Variants in KALRN observed in about 807,000 individuals in gnomAD.
KALRN encodes kalirin.
In KALRN, 70 loss-of-function variants were observed where a neutral mutation model predicts 353.7. The observed-to-expected ratio is 0.20, with a 90% CI of 0.16 to 0.24. The LOEUF (loss-of-function observed/expected upper bound fraction) is 0.24, where lower values mean the gene tolerates loss of function less well. KALRN is among the 10% of genes least tolerant of loss of function. The pLI, the probability that KALRN is intolerant of heterozygous loss-of-function variation, is 1.00. For synonymous variants in KALRN, 1,391 were observed against 1,434.8 expected (o/e 0.97, Z 0.69); for missense variants, 2,791 against 3,756.7 (o/e 0.74, Z 6.72).
At chr3:124,038,987 C>A (rs58273473) in intron 1 of KALRN, among the ~76,000 whole-genome samples, 1,524 of 152,344 alleles carry the variant, frequency 0.01, 43 homozygotes, top group East Asian at 0.1. Flanking sequence ...CCTTTCCTGG[C>A]CCTCATTCTC....
Position 124,334,539 on chromosome 3 carries a change from G to T in KALRN, c.1647+44G>T. The T allele has an allele frequency of 7.1e-7, 1 of 1,410,200 alleles. No homozygotes were observed. Among genetic ancestry groups the T allele is most frequent in the Non-Finnish European group, 9.9e-7 (1 of 1,013,954 alleles). The allele number at this position is 1,410,200 out of a possible 1,614,324, so 87.4% of individuals were successfully genotyped here. A position where few individuals can be genotyped will look rare whatever the true frequency, so the allele number is the denominator to read the frequency against. ...CGGTGTCCATTATCCATTCTAGGAG[G>T]CAGACCGAGCTCAAGTCCCTGACCT... is the stretch of plus-strand genomic sequence containing the variant. On this transcript the variant is annotated intron_variant, in intron 9 of 59. Coordinates refer to ENST00000682506, the MANE Select transcript of KALRN (RefSeq NM_001388419.1). This position sits in a 1 kb window ranked among gnomAD's most constrained non-coding sequence, Gnocchi z 4.2.
At chr3:124,615,959 A>G (rs1387142052) in intron 34 of KALRN, among the ~76,000 whole-genome samples, 1 of 152,188 alleles carries the variant, frequency 6.6e-6, no homozygotes, top group Non-Finnish European at 1.5e-5. Flanking sequence ...TGGTTGGGAG[A>G]AGGAGGATCA....
intron 6 of KALRN, among the ~76,000 whole-genome samples, chr3:124,300,977 T>C (rs1415855438): frequency 6.6e-6 from 1 of 152,224 alleles, no homozygotes; most frequent in Non-Finnish European, 1.5e-5. Flanking sequence ...TCTAGTCAAG[T>C]CTGATTATTT....
chr3:124,398,923 G>A (rs778449489), intron 13 of KALRN, 52 bp downstream of exon 13: 1 of 1,542,492 alleles, frequency 6.5e-7, no homozygotes, highest in Non-Finnish European at 8.7e-7. Context: ...GTGCTTCCTG[G>A]CCAAGGGCAC....
At chr3:124,320,454 C>T (rs534945590) in intron 6 of KALRN, among the ~76,000 whole-genome samples, 7 of 152,192 alleles carry the variant, frequency 4.6e-5, no homozygotes, top group Non-Finnish European at 7.3e-5. Flanking sequence ...CTGCCTCTCT[C>T]GAGCTGAAGA....
chr3:124,597,244 A>G (rs1327215955), intron 34 of KALRN, among the ~76,000 whole-genome samples: 1 of 152,234 alleles, frequency 6.6e-6, no homozygotes, highest in East Asian at 1.9e-4. Context: ...GGCTAGTGAC[A>G]TAGAAATCTT....
At chr3:124,190,631 T>C (rs1308926749) in intron 1 of KALRN, among the ~76,000 whole-genome samples, 1 of 152,222 alleles carries the variant, frequency 6.6e-6, no homozygotes, top group African/African-American at 2.4e-5. Flanking sequence ...GAGATGGCTC[T>C]AACAGTTGGA....
intron 1 of KALRN, among the ~76,000 whole-genome samples, chr3:124,179,983 A>G (rs2073350880): frequency 6.6e-6 from 1 of 152,248 alleles, no homozygotes; most frequent in Non-Finnish European, 1.5e-5. Flanking sequence ...TAAAGGAATG[A>G]ATGCCCGAGA....
chr3:124,670,616 A>G (rs1394044047), intron 47 of KALRN, among the ~76,000 whole-genome samples: 1 of 152,188 alleles, frequency 6.6e-6, no homozygotes, highest in Non-Finnish European at 1.5e-5. Flanking sequence ...ATCACAGTAG[A>G]AATATCCTTG....
intron 6 of KALRN, among the ~76,000 whole-genome samples, chr3:124,300,067 G>A (rs2077147355): frequency 1.3e-5 from 2 of 152,146 alleles, no homozygotes; most frequent in Admixed American, 1.3e-4. Context: ...CAGAAACAAG[G>A]TGAATCACAG....
At chr3:124,634,765 G>T (rs1446803036) in intron 36 of KALRN, among the ~76,000 whole-genome samples, 1 of 152,034 alleles carries the variant, frequency 6.6e-6, no homozygotes, top group Non-Finnish European at 1.5e-5. Flanking sequence ...CGGCAGGTTT[G>T]GGTTTTGACT....
chr3:124,315,724 G>T (rs1372658127), intron 6 of KALRN, among the ~76,000 whole-genome samples: 1 of 151,916 alleles, frequency 6.6e-6, no homozygotes, highest in Non-Finnish European at 1.5e-5. Flanking sequence ...GTCTGCATTT[G>T]CTAAGCAGTT....
intron 45 of KALRN, among the ~76,000 whole-genome samples, chr3:124,663,181 A>G (rs1358854704): frequency 6.6e-6 from 1 of 152,196 alleles, no homozygotes; most frequent in African/African-American, 2.4e-5. Flanking sequence ...TCCCGACCTC[A>G]GGTGATCCGC....
At chr3:124,093,380 A>ATGGC (rs1305404178) in intron 1 of KALRN, among the ~76,000 whole-genome samples, 1 of 152,196 alleles carries the variant, frequency 6.6e-6, no homozygotes, top group Non-Finnish European at 1.5e-5. Flanking sequence ...GAATGTGCAG[A>ATGGC]TGGCTGTTGG....
At chr3:124,077,935 G>A (rs569563425) in intron 1 of KALRN, among the ~76,000 whole-genome samples, 3 of 152,280 alleles carry the variant, frequency 2.0e-5, no homozygotes, top group Non-Finnish European at 2.9e-5. Flanking sequence ...CTGTGGACCC[G>A]TTTGCTTCTT....
intron 1 of KALRN, among the ~76,000 whole-genome samples, chr3:124,176,019 C>T (rs2072685474): frequency 6.6e-6 from 1 of 152,054 alleles, no homozygotes; most frequent in Admixed American, 6.6e-5. Context: ...GTTTTAGACC[C>T]AGTAGCCCCC....
chr3:124,390,809 TC>T (rs2089251001), intron 11 of KALRN, among the ~76,000 whole-genome samples: 1 of 152,132 alleles, frequency 6.6e-6, no homozygotes, highest in African/African-American at 2.4e-5. Flanking sequence ...TAACCACTCA[TC>T]CGTAAGCCTT....
At chr3:124,711,873 G>A (rs987011536) in intron 57 of KALRN, among the ~76,000 whole-genome samples, 6 of 152,152 alleles carry the variant, frequency 3.9e-5, no homozygotes, top group African/African-American at 1.4e-4. Flanking sequence ...GGCTGCATAG[G>A]AGATCTATTT....
intron 33 of KALRN, among the ~76,000 whole-genome samples, chr3:124,552,220 C>T (rs565168063): frequency 7.2e-5 from 11 of 152,268 alleles, no homozygotes; most frequent in African/African-American, 2.6e-4. Flanking sequence ...ATTTAGAATG[C>T]GCTGTTTCTT....
Sources: gnomAD v4.1 joint callset for allele counts (sites outside exome capture counted in the v4.1 genomes callset) on GRCh38, gnomAD v4.1.1 for gene constraint, Gnocchi (gnomAD v3.1) non-coding constraint, MANE v1.5 for transcripts, NCBI Gene and HGNC (gene_info 2026-07-23, HGNC 2026-07-21) for gene names.